Variants in EFCAB6 observed in about 807,000 individuals in gnomAD.
The protein encoded by EFCAB6 is EF-hand calcium-binding domain-containing protein 6.
Under a neutral mutation model 169.8 loss-of-function variants are expected in EFCAB6, and 156 were observed. The observed-to-expected ratio is 0.92, with a 90% confidence interval of 0.81 to 1.05. The LOEUF (loss-of-function observed/expected upper bound fraction) is 1.05. EFCAB6 is among the 50% of genes least tolerant of loss of function. The pLI is 0.00. For synonymous variants in EFCAB6, 698 were observed against 676.4 expected (o/e 1.03, Z -0.50); for missense variants, 1,800 against 1,829.1 (o/e 0.98, Z 0.29).
intron 26 of EFCAB6, among the ~76,000 whole-genome samples, chr22:43,567,091 A>C (rs1026808031): frequency 6.6e-6 from 1 of 151,150 alleles, no homozygotes; most frequent in Admixed American, 6.6e-5. Context: ...TCCTTCCCCC[A>C]CTCAGAGTTA....
chr22:43,702,122 C>T (rs74371623), intron 10 of EFCAB6, among the ~76,000 whole-genome samples: 1 of 152,184 alleles, frequency 6.6e-6, no homozygotes, highest in Non-Finnish European at 1.5e-5. Context: ...CTACTTTACA[C>T]CTCATGAGTT....
intron 19 of EFCAB6, among the ~76,000 whole-genome samples, chr22:43,630,502 C>G (rs1207523645): frequency 2.0e-5 from 3 of 152,236 alleles, no homozygotes; most frequent in African/African-American, 7.2e-5. Flanking sequence ...ACGGCCTCCA[C>G]TGGGAGACGC....
chr22:43,754,191 C>T (rs1254253028), intron 6 of EFCAB6, among the ~76,000 whole-genome samples: 2 of 152,194 alleles, frequency 1.3e-5, no homozygotes, highest in African/African-American at 4.8e-5. Context: ...TAACAGCTGG[C>T]ATTTATTAAG....
Position 43,671,962 on chromosome 22 carries a change from A to G in EFCAB6, c.1640+11T>C. ...ACACGACATGAATTAATTTTGTTAC[A>G]AAAAACTTACTTTATGAAATGTGCA... On this transcript the variant is annotated intron_variant, in intron 15 of 31. Coordinates refer to ENST00000262726, the MANE Select transcript of EFCAB6 (RefSeq NM_022785.4). 6.2e-7 allele frequency: 1 copy of G among 1,610,434 alleles called. No homozygotes were observed. The highest frequency in any genetic ancestry group is 8.5e-7 in the Non-Finnish European group (1 of 1,178,854).
rs2060118033 is a variant in EFCAB6, at chr22:43,735,841, G to A, written c.644+16C>T. Reference sequence around the variant, plus strand: ...GTTCTACTGAGCAATCTCTCACCGTGCCTTCATTTGCTTACTTTTCGTATT... The same window carrying A: ...GTTCTACTGAGCAATCTCTCACCGTACCTTCATTTGCTTACTTTTCGTATT... On this transcript the variant is annotated intron_variant, in intron 7 of 31. Transcript: ENST00000262726. The A allele has an allele frequency of 6.2e-7, 1 of 1,611,586 alleles. No individual in the cohort carries two copies. Among genetic ancestry groups the A allele is most frequent in the African/African-American group, 1.3e-5 (1 of 74,880 alleles).
chr22:43,573,654 C>A (rs970734194), intron 26 of EFCAB6, among the ~76,000 whole-genome samples: 2 of 151,008 alleles, frequency 1.3e-5, no homozygotes, highest in Non-Finnish European at 2.9e-5. Context: ...TCGCTTGAAC[C>A]CAGGAGGTGG....
chr22:43,652,461 C>T (rs376716162), intron 17 of EFCAB6, among the ~76,000 whole-genome samples: 128 of 152,194 alleles, frequency 8.4e-4, no homozygotes, highest in Middle Eastern at 3.4e-3. Context: ...TCATCAGCAG[C>T]GTGAAAACGG....
intron 15 of EFCAB6, among the ~76,000 whole-genome samples, chr22:43,670,574 T>C (rs1265030817): frequency 6.6e-6 from 1 of 152,244 alleles, no homozygotes; most frequent in Non-Finnish European, 1.5e-5. Context: ...GATCTGCATA[T>C]AGCTGGGGGC....
chr22:43,719,041 C>T (rs2059431975), intron 8 of EFCAB6, among the ~76,000 whole-genome samples: 1 of 152,180 alleles, frequency 6.6e-6, no homozygotes, highest in African/African-American at 2.4e-5. Flanking sequence ...TTTCGGGAAG[C>T]CCACTGGGGC....
intron 20 of EFCAB6, among the ~76,000 whole-genome samples, chr22:43,619,728 C>G (rs955751429): frequency 6.6e-6 from 1 of 152,142 alleles, no homozygotes; most frequent in Non-Finnish European, 1.5e-5. Context: ...AACATAGTCT[C>G]AGAGATACAA....
intron 12 of EFCAB6, among the ~76,000 whole-genome samples, chr22:43,680,428 C>T (rs981533154): frequency 2.6e-5 from 4 of 151,752 alleles, no homozygotes; most frequent in African/African-American, 7.3e-5. Flanking sequence ...GGCTGTTCTT[C>T]CACCTTTGTA....
Position 43,580,468 on chromosome 22 carries a change from G to C in EFCAB6, c.3224C>G (p.Ser1075Cys), listed in dbSNP as rs2050648296. 6.2e-7 allele frequency: 1 copy of C among 1,614,006 alleles called. No individual in the cohort carries two copies. Reference sequence around the variant, plus strand: ...AGCACTTTCAGCCTGTCATACCGTGGACAAAGCCAGCTGGGAGGACTCAAC... The same window carrying C: ...AGCACTTTCAGCCTGTCATACCGTGCACAAAGCCAGCTGGGAGGACTCAAC... ...EVVESSQLALSTAFSALDKED... is the reference protein window; with the variant it reads ...EVVESSQLALCTAFSALDKED... The change falls in exon 25 of 32, where the codon TCC becomes TGC. Residue 1075 changes from serine (S) to cysteine (C), a missense_variant. Coordinates refer to ENST00000262726, the MANE Select transcript of EFCAB6 (RefSeq NM_022785.4).
At chr22:43,695,204 T>C (rs2058530492) in intron 10 of EFCAB6, among the ~76,000 whole-genome samples, 1 of 152,052 alleles carries the variant, frequency 6.6e-6, no homozygotes, top group African/African-American at 2.4e-5. Context: ...TTCTGATTAA[T>C]AGCCATAAAT....
intron 13 of EFCAB6, among the ~76,000 whole-genome samples, chr22:43,676,800 A>C (rs1204483036): frequency 2.0e-5 from 3 of 152,236 alleles, no homozygotes; most frequent in African/African-American, 7.2e-5. Context: ...GACCATGATC[A>C]AAAACCACGA....
At chr22:43,619,899 A>G (rs943202955) in intron 20 of EFCAB6, among the ~76,000 whole-genome samples, 1 of 152,228 alleles carries the variant, frequency 6.6e-6, no homozygotes. Context: ...AGCTCAGTAA[A>G]TCCAAAAATA....
intron 22 of EFCAB6, among the ~76,000 whole-genome samples, chr22:43,601,408 G>A (rs973743473): frequency 6.6e-6 from 1 of 152,240 alleles, no homozygotes; most frequent in Non-Finnish European, 1.5e-5. Flanking sequence ...ATTCGCAGAT[G>A]TGATTTTCCC....
intron 3 of EFCAB6, among the ~76,000 whole-genome samples, chr22:43,778,546 C>T (rs1359504203): frequency 2.0e-5 from 3 of 152,052 alleles, no homozygotes; most frequent in Admixed American, 6.6e-5. Flanking sequence ...CAGAGCTGGA[C>T]AACAAAGAGG....
At position 43,572,378 on chromosome 22, in the gene EFCAB6, G is replaced by A. The variant is rs2049944074; in HGVS notation, c.3420+3919C>T. Among the ~76,000 whole-genome samples, 1 of 152,168 alleles carries A rather than the reference G, an allele frequency of 6.6e-6. No homozygotes were observed. Among genetic ancestry groups the A allele is most frequent in the Non-Finnish European group, 1.5e-5 (1 of 68,030 alleles). On this transcript the variant is annotated intron_variant, in intron 26 of 31. Coordinates refer to ENST00000262726, the MANE Select transcript of EFCAB6 (RefSeq NM_022785.4). This position sits in a 1 kb window ranked among gnomAD's most constrained non-coding sequence, Gnocchi z 4.0. ...GAGGACACTCAGGCCTCGCTGAGGG[G>A]GGACAGCAGACATGGAGCTTCAAGC...
chr22:43,617,808 A>G (rs1344954254), intron 20 of EFCAB6, among the ~76,000 whole-genome samples: 5 of 152,176 alleles, frequency 3.3e-5, no homozygotes, highest in African/African-American at 1.2e-4. Context: ...ACACACAAGA[A>G]AAACAAGTGA....
Sources: gnomAD v4.1 joint callset for allele counts (sites outside exome capture counted in the v4.1 genomes callset) on GRCh38, gnomAD v4.1.1 for gene constraint, Gnocchi (gnomAD v3.1) non-coding constraint, MANE v1.5 for transcripts, NCBI Gene and HGNC (gene_info 2026-07-23, HGNC 2026-07-21) for gene names.